The following HAVCR1 variants were observed in gnomAD, a reference collection of about 807,000 sequenced individuals.
HAVCR1 encodes hepatitis A virus cellular receptor 1, also known as T cell immunoglobin domain and mucin domain protein 1.
HAVCR1 carries 34 observed loss-of-function variants against 32.0 expected under a neutral mutation model. That is an observed-to-expected ratio of 1.06 (90% CI 0.81 to 1.42). The LOEUF is 1.42. Among genes scored for constraint, HAVCR1 ranks in the 40% most tolerant of loss-of-function variants. HAVCR1 has a pLI of 0.00. For missense variants in HAVCR1, 420 were observed against 442.3 expected (o/e 0.95, Z 0.45); for synonymous variants, 178 against 170.3 (o/e 1.05, Z -0.35).
upstream of HAVCR1, among the ~76,000 whole-genome samples, chr5:157,064,040 C>T (rs949721027): frequency 3.3e-5 from 5 of 152,150 alleles, no homozygotes; most frequent in African/African-American, 1.2e-4. Flanking sequence ...AGGACATAGG[C>T]TTTCACCCCA....
intron 5 of HAVCR1, among the ~76,000 whole-genome samples, chr5:157,044,490 AGGAAGGAAGGAAGGAAGGAG>A (rs1281995316): frequency 3.0e-4 from 20 of 66,662 alleles, no homozygotes; most frequent in African/African-American, 7.5e-4. Context: ...GAAGGAAGGA[AGGAAGGAAGGAAGGAAGGAG>A]GAAGGAAGGA....
At chr5:157,043,568 C>A (rs1044088538) in intron 5 of HAVCR1, among the ~76,000 whole-genome samples, 1 of 152,160 alleles carries the variant, frequency 6.6e-6, no homozygotes, top group Admixed American at 6.5e-5. Flanking sequence ...ACTCGGATGG[C>A]TGAGGTAGGA....
chr5:157,036,239 G>A (rs1347272437), intron 7 of HAVCR1, among the ~76,000 whole-genome samples: 1 of 152,226 alleles, frequency 6.6e-6, no homozygotes. Flanking sequence ...AGCACTTTGG[G>A]AGGCCAAGGC....
At chr5:157,055,781 C>CCAGG (rs1756093722) in intron 2 of HAVCR1, among the ~76,000 whole-genome samples, 1 of 149,776 alleles carries the variant, frequency 6.7e-6, no homozygotes, top group South Asian at 2.3e-4. Context: ...GGGAGAAGTG[C>CCAGG]TTGAACCTGG....
intron 4 of HAVCR1, among the ~76,000 whole-genome samples, chr5:157,050,611 C>T (rs954239360): frequency 4.6e-5 from 7 of 152,128 alleles, no homozygotes; most frequent in Admixed American, 6.6e-5. Context: ...AGAAAGGCAA[C>T]TTTCTCCCAT....
At chr5:157,041,001 C>G (rs1427013500) in intron 6 of HAVCR1, among the ~76,000 whole-genome samples, 1 of 152,092 alleles carries the variant, frequency 6.6e-6, no homozygotes, top group African/African-American at 2.4e-5. Flanking sequence ...AAGTTACTTG[C>G]ACATACTAAA....
intron 5 of HAVCR1, among the ~76,000 whole-genome samples, chr5:157,045,252 C>T (rs1235079708): frequency 6.6e-6 from 1 of 152,130 alleles, no homozygotes; most frequent in Non-Finnish European, 1.5e-5. Flanking sequence ...ATATAGTTGA[C>T]TGCTACAGAA....
chr5:157,056,646 C>A (rs1186907266), intron 2 of HAVCR1, among the ~76,000 whole-genome samples: 1 of 152,040 alleles, frequency 6.6e-6, no homozygotes, highest in Non-Finnish European at 1.5e-5. Flanking sequence ...TCCCAAAGTG[C>A]TGGGATTACA....
upstream of HAVCR1, among the ~76,000 whole-genome samples, chr5:157,061,199 A>C (rs905648421): frequency 2.0e-5 from 3 of 152,140 alleles, no homozygotes; most frequent in Non-Finnish European, 4.4e-5. Context: ...TGCCTGGCCT[A>C]AAAATTTTTA....
At chr5:157,054,547 G>T (rs1453350951) in intron 3 of HAVCR1, among the ~76,000 whole-genome samples, 1 of 152,078 alleles carries the variant, frequency 6.6e-6, no homozygotes, top group Non-Finnish European at 1.5e-5. Flanking sequence ...TCCTCAAGGT[G>T]AATAAATTCA....
intron 8 of HAVCR1, among the ~76,000 whole-genome samples, chr5:157,031,908 C>G (rs1038853265): frequency 6.6e-6 from 1 of 151,888 alleles, no homozygotes; most frequent in South Asian, 2.1e-4. Flanking sequence ...GTGGAGCAGG[C>G]TGGGTAGGGA....
upstream of HAVCR1, among the ~76,000 whole-genome samples, chr5:157,059,738 CT>C (rs1418210036): frequency 2.0e-5 from 3 of 152,210 alleles, no homozygotes; most frequent in Non-Finnish European, 1.5e-5. Flanking sequence ...AATCCCAACA[CT>C]TTGGGAGGCC....
chr5:157,033,712 A>C (rs1305072846), intron 7 of HAVCR1, among the ~76,000 whole-genome samples: 1 of 152,084 alleles, frequency 6.6e-6, no homozygotes, highest in Admixed American at 6.6e-5. Flanking sequence ...TCCCCTAAAA[A>C]TCATTTACTC....
chr5:157,041,853 G>A (rs903275925), intron 6 of HAVCR1, among the ~76,000 whole-genome samples: 2 of 152,162 alleles, frequency 1.3e-5, no homozygotes, highest in Non-Finnish European at 2.9e-5. Context: ...GAGGTCAGGA[G>A]TTTGAGACTA....
intron 8 of HAVCR1, among the ~76,000 whole-genome samples, chr5:157,030,444 T>C (rs1309286214): frequency 6.6e-6 from 1 of 152,144 alleles, no homozygotes; most frequent in African/African-American, 2.4e-5. Context: ...GGCAGGAGGA[T>C]CCCTTGAGGC....
chr5:157,061,127 G>T (rs1756481315), upstream of HAVCR1, among the ~76,000 whole-genome samples: 1 of 152,020 alleles, frequency 6.6e-6, no homozygotes, highest in African/African-American at 2.4e-5. Flanking sequence ...GGAACTCCTG[G>T]CCTCAAGTGA....
At position 157,052,498 on chromosome 5, in the gene HAVCR1, A is replaced by C; in HGVS notation, c.536T>G (p.Leu179Arg). The C allele has an allele frequency of 2.5e-6, 4 of 1,613,792 alleles. No individual in the cohort carries two copies. The highest frequency in any genetic ancestry group is 3.4e-6 in the Non-Finnish European group (4 of 1,179,896). The change falls in exon 4 of 9, where the codon CTG becomes CGG. Residue 179 changes from leucine (L) to arginine (R), a missense_variant. Physicochemically the swap from Leu to Arg is moderately radical, Grantham distance 102. Coordinates refer to ENST00000523175, the MANE Select transcript of HAVCR1 (RefSeq NM_001173393.3). Reference protein sequence around the residue: ...TMSIPTTTTVLTTMTVSTTTS... With the variant: ...TMSIPTTTTVRTTMTVSTTTS... Reference sequence around the variant, plus strand: ...TGTCGTTGAAACAGTCATTGTCGTCAGAACAGTCGTTGTCGTTGGAATGCT... The same window carrying C: ...TGTCGTTGAAACAGTCATTGTCGTCCGAACAGTCGTTGTCGTTGGAATGCT...
chr5:157,044,149 T>C (rs1755081889), intron 5 of HAVCR1, among the ~76,000 whole-genome samples: 1 of 151,948 alleles, frequency 6.6e-6, no homozygotes, highest in South Asian at 2.1e-4. Context: ...CTGGCCAATG[T>C]GGTGAAACCC....
At chr5:157,057,042 C>A (rs1025980180) in intron 2 of HAVCR1, among the ~76,000 whole-genome samples, 1 of 151,826 alleles carries the variant, frequency 6.6e-6, no homozygotes, top group Admixed American at 6.6e-5. Context: ...CTAGGCCAGG[C>A]GCGGTGACTC....
Sources: allele counts gnomAD v4.1 joint callset (sites outside exome capture counted in the v4.1 genomes callset), GRCh38; gene constraint gnomAD v4.1.1; transcripts MANE v1.5; gene names NCBI Gene and HGNC (gene_info 2026-07-23, HGNC 2026-07-21).